BMPR2: variants seen among roughly 807,000 people sequenced by gnomAD.
BMPR2 encodes the protein bone morphogenetic protein receptor type-2.
In BMPR2, 29 loss-of-function variants were observed where a neutral mutation model predicts 100.8. That is an observed-to-expected ratio of 0.29 (90% CI 0.21 to 0.39). The LOEUF (loss-of-function observed/expected upper bound fraction) is 0.39. BMPR2 is among the 10% of genes least tolerant of loss of function. BMPR2 has a pLI of 1.00. For missense variants in BMPR2, 1,011 were observed against 1,274.5 expected, an observed-to-expected ratio of 0.79 and a Z score of 3.15; for synonymous variants, 382 against 442.3, an observed-to-expected ratio of 0.86 and a Z score of 1.71.
intron 1 of BMPR2, among the ~76,000 whole-genome samples, chr2:202,406,050 T>C (rs1264619942): frequency 6.6e-6 from 1 of 152,232 alleles, no homozygotes; most frequent in African/African-American, 2.4e-5. Flanking sequence ...CACTTCTTGA[T>C]GAATACATAT....
rs1425489315 is a variant in BMPR2, at chr2:202,484,985, A to AG, written c.418+17296_418+17297insG. On this transcript the variant is annotated intron_variant, in intron 3 of 12. Coordinates refer to ENST00000374580, the MANE Select transcript of BMPR2 (RefSeq NM_001204.7). The stretch of plus-strand genomic sequence containing the variant: ...CTCCGTCTCAAAAAAAAAAAAAAAA[A>AG]AAAGAAAGAAAGAAGAAAAAAAATA... Among the ~76,000 whole-genome samples, 290 of 148,776 alleles carry AG rather than the reference A, an allele frequency of 1.9e-3. 1 individual carries two copies. Among genetic ancestry groups the AG allele is most frequent in the African/African-American group, 6.5e-3 (258 of 39,832 alleles).
chr2:202,380,946 G>A (rs1452612830), intron 1 of BMPR2, among the ~76,000 whole-genome samples: 3 of 121,414 alleles, frequency 2.5e-5, no homozygotes, highest in East Asian at 4.0e-4. Context: ...CCTGGCCCTG[G>A]CCCTGGATTT....
At chr2:202,500,032 C>T (rs1166961784) in intron 3 of BMPR2, among the ~76,000 whole-genome samples, 5 of 152,196 alleles carry the variant, frequency 3.3e-5, no homozygotes. Context: ...GTGCACTGCC[C>T]CAGAGGACGA....
intron 1 of BMPR2, among the ~76,000 whole-genome samples, chr2:202,416,816 A>G (rs1691137742): frequency 6.6e-6 from 1 of 151,754 alleles, no homozygotes. Flanking sequence ...AAATGACAAC[A>G]AAGGACTTTT....
intron 3 of BMPR2, among the ~76,000 whole-genome samples, chr2:202,480,410 T>G (rs566817400): frequency 1.3e-5 from 2 of 152,264 alleles, no homozygotes; most frequent in South Asian, 4.1e-4. Flanking sequence ...AATACAGGTG[T>G]GAGCCACCAC....
At chr2:202,551,361 A>G (rs1451177216) in intron 10 of BMPR2, among the ~76,000 whole-genome samples, 1 of 105,158 alleles carries the variant, frequency 9.5e-6, no homozygotes, top group Non-Finnish European at 2.2e-5. Context: ...CTAAAGATAC[A>G]AAAAAAAAAA....
At chr2:202,419,087 C>T (rs1691201572) in intron 1 of BMPR2, among the ~76,000 whole-genome samples, 2 of 152,128 alleles carry the variant, frequency 1.3e-5, no homozygotes, top group Admixed American at 6.5e-5. Context: ...CCAGGTCCCT[C>T]AGATAGAAAT....
In BMPR2 at chr2:202,377,526, A is replaced by G; in HGVS notation, c.52A>G (p.Ile18Val). 4 of 1,614,218 alleles carry G rather than the reference A, an allele frequency of 2.5e-6. No homozygotes were observed. The highest frequency in any genetic ancestry group is 3.4e-6 in the Non-Finnish European group (4 of 1,180,034). Residue 18 changes from isoleucine to valine, a missense_variant, in exon 1 of 13, where the codon ATC becomes GTC. By Grantham distance (29) the Ile-to-Val change is conservative. Around this residue, in one of 6 missense-constraint regions of BMPR2, gnomAD observed 355 missense variants for 455.3 expected, o/e 0.78. Transcript: ENST00000374580. ...PWRVPWLPWT[I>V]LLVSTAAASQ... ...GCGGGTGCCCTGGCTACCATGGACC[A>G]TCCTGCTGGTCAGCACTGCGGCTGG...
intron 1 of BMPR2, among the ~76,000 whole-genome samples, chr2:202,441,261 ATATTCT>A (rs1691734360): frequency 6.7e-6 from 1 of 150,292 alleles, no homozygotes; most frequent in African/African-American, 2.5e-5. Flanking sequence ...GATTAAGAAA[ATATTCT>A]TAATACTAGT....
At chr2:202,400,731 A>G (rs1242479101) in intron 1 of BMPR2, among the ~76,000 whole-genome samples, 4 of 152,208 alleles carry the variant, frequency 2.6e-5, no homozygotes. Context: ...CAATATAATT[A>G]TCTGATTAGT....
chr2:202,552,599 T>C, intron 10 of BMPR2, 117 bp from the exon 11 acceptor site: 2 of 1,000,152 alleles, frequency 2.0e-6, no homozygotes, highest in South Asian at 1.4e-5. Flanking sequence ...TTATTAGAGC[T>C]ATGTAAAATA....
At chr2:202,536,021 G>A (rs907613502) in intron 9 of BMPR2, among the ~76,000 whole-genome samples, 22 of 152,198 alleles carry the variant, frequency 1.4e-4, no homozygotes, top group African/African-American at 4.3e-4. Context: ...TGAGATGGCA[G>A]CAGTACAGTC....
chr2:202,500,820 C>A (rs939907872), intron 3 of BMPR2, among the ~76,000 whole-genome samples: 1 of 152,188 alleles, frequency 6.6e-6, no homozygotes. Context: ...GAATGGTTCA[C>A]GGTTCTGGAC....
intron 3 of BMPR2, among the ~76,000 whole-genome samples, chr2:202,493,376 G>A (rs910722803): frequency 3.3e-5 from 5 of 151,956 alleles, no homozygotes; most frequent in Admixed American, 2.6e-4. Flanking sequence ...TACAATAGAG[G>A]TAATTAAAGT....
intron 1 of BMPR2, among the ~76,000 whole-genome samples, chr2:202,420,308 CTT>C (rs1294678463): frequency 2.0e-5 from 3 of 151,810 alleles, no homozygotes; most frequent in African/African-American, 7.3e-5. Context: ...CAAAATTAAA[CTT>C]GAGAATATCC....
chr2:202,440,398 C>T lies in BMPR2; in HGVS notation c.77-24411C>T, dbSNP rs369756834. Among the ~76,000 whole-genome samples the T allele has an allele frequency of 3.3e-3, 498 of 149,630 alleles. 42 individuals are homozygous for T. The highest frequency in any genetic ancestry group is 0.012 in the African/African-American group (482 of 39,206). On this transcript the variant is annotated intron_variant, in intron 1 of 12. Coordinates refer to ENST00000374580, the MANE Select transcript of BMPR2 (RefSeq NM_001204.7). ...GGCGGGGCAGAGGCGCTCCCCACAT[C>T]TCAGACGATGGGCAGCCGGGCAGAG... is the stretch of plus-strand genomic sequence containing the variant.
At chr2:202,505,979 G>A (rs780851364) in intron 3 of BMPR2, among the ~76,000 whole-genome samples, 5 of 152,142 alleles carry the variant, frequency 3.3e-5, no homozygotes, top group Non-Finnish European at 7.4e-5. Flanking sequence ...AGGTGTCTTA[G>A]TCAAAGTAGT....
intron 1 of BMPR2, among the ~76,000 whole-genome samples, chr2:202,394,529 G>A (rs1690621026): frequency 6.6e-6 from 1 of 152,128 alleles, no homozygotes. Context: ...CAAGTGAAAT[G>A]CAGTGTTTTT....
chr2:202,526,188 T>C (rs1687908441), intron 7 of BMPR2, among the ~76,000 whole-genome samples: 1 of 152,098 alleles, frequency 6.6e-6, no homozygotes, highest in Admixed American at 6.6e-5. Context: ...TTAATACGTT[T>C]GCTTTCTCAC....
Sources: gnomAD v4.1 joint callset for allele counts (sites outside exome capture counted in the v4.1 genomes callset) on GRCh38, gnomAD v4.1.1 for gene constraint, gnomAD v4.1.1 regional missense constraint, MANE v1.5 for transcripts, NCBI Gene and HGNC (gene_info 2026-07-23, HGNC 2026-07-21) for gene names.